RFC3: variants seen among roughly 807,000 people sequenced by gnomAD.
RFC3 encodes replication factor C subunit 3.
RFC3 carries 41 observed loss-of-function variants against 45.1 expected under a neutral mutation model. The ratio of observed to expected loss-of-function variants is 0.91; its 90% confidence interval spans 0.71 to 1.18. The LOEUF is 1.18. RFC3 is among the 50% of genes most tolerant of loss of function. The pLI, the probability that RFC3 is intolerant of heterozygous loss-of-function variation, is 0.00. For synonymous variants in RFC3, 149 were observed against 144.0 expected, an observed-to-expected ratio of 1.03 and a Z score of -0.25; for missense variants, 423 against 428.1, an observed-to-expected ratio of 0.99 and a Z score of 0.10.
chr13:33,930,234 A>G (rs1337956377), intron 8 of RFC3, among the ~76,000 whole-genome samples: 1 of 152,098 alleles, frequency 6.6e-6, no homozygotes, highest in East Asian at 1.9e-4. Flanking sequence ...AAGTCCCGCA[A>G]TAGGCCGTCT....
rs917692200 is a variant in RFC3, at chr13:33,836,723, A to C, written c.*428A>C. On this transcript the variant is annotated 3_prime_UTR_variant, in exon 9 of 9. Coordinates refer to ENST00000380071, the MANE Select transcript of RFC3 (RefSeq NM_002915.4). ...ATTATATTTAATTCTAGTTTCTCTC[A>C]ATGAATAATTGTATTTTTGTAGGAA... The C allele has an allele frequency of 1.0e-6, 1 of 985,068 alleles. No individual in the cohort carries two copies. The highest frequency in any genetic ancestry group is 6.1e-5 in the Admixed American group (1 of 16,362). 61.0% of individuals were successfully genotyped at this position (985,068 alleles called of 1,614,324 possible). A position where few individuals can be genotyped will look rare whatever the true frequency, so the allele number is the denominator to read the frequency against.
Position 33,837,176 on chromosome 13 carries a change from A to G in RFC3, c.*881A>G, listed in dbSNP as rs1199981109. On this transcript the variant is annotated 3_prime_UTR_variant, in exon 9 of 9. Transcript: ENST00000380071. ...GTGAAACTATGATCCCAATCAAGGTATAGATGCCGTCACCCCAAAAAGTTC... is the reference window on the plus strand; with the variant it reads ...GTGAAACTATGATCCCAATCAAGGTGTAGATGCCGTCACCCCAAAAAGTTC... 1 of 522,840 alleles carries G rather than the reference A, an allele frequency of 1.9e-6. No individual in the cohort carries two copies. The highest frequency in any genetic ancestry group is 2.5e-6 in the Non-Finnish European group (1 of 407,586). 32.4% of individuals were successfully genotyped at this position (522,840 alleles called of 1,614,324 possible). A position where few individuals can be genotyped will look rare whatever the true frequency, so the allele number is the denominator to read the frequency against.
chr13:33,898,179 C>T (rs1223872498), intron 8 of RFC3, among the ~76,000 whole-genome samples: 6 of 151,942 alleles, frequency 3.9e-5, no homozygotes, highest in African/African-American at 9.7e-5. Context: ...ATTTACAAAA[C>T]GTTTCACCCA....
At chr13:33,869,860 C>T (rs1248546316) in intron 8 of RFC3, among the ~76,000 whole-genome samples, 1 of 152,174 alleles carries the variant, frequency 6.6e-6, no homozygotes, top group Non-Finnish European at 1.5e-5. Flanking sequence ...TAGAAGGCCT[C>T]CATTGGATTA....
At chr13:33,863,143 G>A (rs776996708) in intron 8 of RFC3, among the ~76,000 whole-genome samples, 4 of 152,176 alleles carry the variant, frequency 2.6e-5, no homozygotes, top group Non-Finnish European at 5.9e-5. Context: ...CAGTCATAAA[G>A]TGCCTTTAAC....
chr13:33,888,936 G>A (rs899634948), intron 8 of RFC3, among the ~76,000 whole-genome samples: 1 of 152,058 alleles, frequency 6.6e-6, no homozygotes, highest in African/African-American at 2.4e-5. Context: ...AGTAGAGACG[G>A]GGTTTCACCG....
At chr13:33,883,395 G>T (rs1478999282) in intron 8 of RFC3, among the ~76,000 whole-genome samples, 1 of 152,130 alleles carries the variant, frequency 6.6e-6, no homozygotes, top group Non-Finnish European at 1.5e-5. Context: ...TCCTTTAAGG[G>T]TTATTAAAAT....
intron 8 of RFC3, among the ~76,000 whole-genome samples, chr13:33,937,936 G>A (rs910202487): frequency 2.2e-4 from 34 of 152,028 alleles, no homozygotes; most frequent in Admixed American, 6.6e-5. Context: ...TCAGAGGGGT[G>A]GCAGCTTTCT....
chr13:33,820,909 ATATT>A (rs1026429754), intron 1 of RFC3, among the ~76,000 whole-genome samples: 1 of 12,482 alleles, frequency 8.0e-5, no homozygotes, highest in Admixed American at 1.5e-3. Flanking sequence ...CAGCATATAT[ATATT>A]TATATATATA....
chr13:33,825,784 T>C lies in RFC3; in HGVS notation c.294-5T>C. ...ACTATATACCATTATTTTTGTTTTG[T>C]GTAGTGATGCTGGAAATAGTGACCG... On this transcript the variant is annotated splice_region_variant and splice_polypyrimidine_tract_variant and intron_variant, in intron 3 of 8. Transcript: ENST00000380071. The C allele has an allele frequency of 1.3e-6, 2 of 1,582,568 alleles. No homozygotes were observed. The highest frequency in any genetic ancestry group is 1.1e-5 in the South Asian group (1 of 86,970).
intron 3 of RFC3, among the ~76,000 whole-genome samples, chr13:33,825,265 A>G (rs2082038847): frequency 6.6e-6 from 1 of 152,138 alleles, no homozygotes; most frequent in Non-Finnish European, 1.5e-5. Flanking sequence ...TTTGTGTCTT[A>G]AACTCAATTT....
At chr13:33,829,761 TGA>T in intron 4 of RFC3, 73 bp from the exon 5 acceptor site, 3 of 1,136,932 alleles carry the variant, frequency 2.6e-6, no homozygotes, top group Non-Finnish European at 4.0e-6. Context: ...TCCTGGATAA[TGA>T]GAAGGAAGAA....
chr13:33,964,630 T>C, intron 8 of RFC3, among the ~76,000 whole-genome samples: 1 of 152,150 alleles, frequency 6.6e-6, no homozygotes, highest in East Asian at 1.9e-4. Context: ...GCATAGACAA[T>C]CTTTTACATT....
At chr13:33,941,775 T>C (rs2082925762) in intron 8 of RFC3, among the ~76,000 whole-genome samples, 1 of 152,112 alleles carries the variant, frequency 6.6e-6, no homozygotes, top group Admixed American at 6.6e-5. Flanking sequence ...AATGTATGGG[T>C]TGAGAGCCTC....
chr13:33,967,755 G>A (rs1001816795), downstream of RFC3, among the ~76,000 whole-genome samples: 1 of 151,808 alleles, frequency 6.6e-6, no homozygotes, highest in Non-Finnish European at 1.5e-5. Context: ...CAAAGTGCTG[G>A]GATTACAGGT....
intron 8 of RFC3, among the ~76,000 whole-genome samples, chr13:33,912,273 C>A (rs1478541994): frequency 1.3e-5 from 2 of 151,402 alleles, no homozygotes; most frequent in African/African-American, 4.9e-5. Flanking sequence ...GGTCCTAGGA[C>A]CTAGAGATAC....
chr13:33,882,582 A>G (rs886067484), intron 8 of RFC3, among the ~76,000 whole-genome samples: 8 of 152,274 alleles, frequency 5.3e-5, no homozygotes, highest in Non-Finnish European at 1.2e-4. Flanking sequence ...GAGGATACAA[A>G]CAGGAGGCAG....
chr13:33,897,746 C>T (rs1465348714), intron 8 of RFC3, among the ~76,000 whole-genome samples: 1 of 151,220 alleles, frequency 6.6e-6, no homozygotes, highest in Admixed American at 6.6e-5. Context: ...AACTGGAAAC[C>T]AAAAAAAGGC....
intron 8 of RFC3, among the ~76,000 whole-genome samples, chr13:33,923,502 G>A (rs1258837115): frequency 6.6e-6 from 1 of 152,116 alleles, no homozygotes; most frequent in Non-Finnish European, 1.5e-5. Context: ...CAAGTGGGAT[G>A]GCCTGGTTCC....
Sources: gnomAD v4.1 joint callset for allele counts (sites outside exome capture counted in the v4.1 genomes callset) on GRCh38, gnomAD v4.1.1 for gene constraint, MANE v1.5 for transcripts, NCBI Gene and HGNC (gene_info 2026-07-23, HGNC 2026-07-21) for gene names.